Variants in SUMF1 observed in about 807,000 individuals in gnomAD.
The protein encoded by SUMF1 is formylglycine-generating enzyme.
A neutral mutation model predicts 47.6 loss-of-function variants in SUMF1; 48 were observed. The observed-to-expected ratio is 1.01, with a 90% confidence interval of 0.80 to 1.28. The LOEUF (loss-of-function observed/expected upper bound fraction) is 1.28, where lower values mean the gene tolerates loss of function less well. Among genes scored for constraint, SUMF1 ranks in the 50% most tolerant of loss-of-function variants. The pLI is 0.00. For synonymous variants in SUMF1, 230 were observed against 192.1 expected (o/e 1.20, Z -1.63); for missense variants, 571 against 485.4 (o/e 1.18, Z -1.66).
intron 8 of SUMF1, among the ~76,000 whole-genome samples, chr3:4,285,933 A>G (rs1347383874): frequency 6.6e-6 from 1 of 152,172 alleles, no homozygotes; most frequent in Non-Finnish European, 1.5e-5. Context: ...TAATAGTCGG[A>G]GCATGTTGTC....
chr3:4,240,632 A>G (rs938399664), intron 8 of SUMF1, among the ~76,000 whole-genome samples: 1 of 152,066 alleles, frequency 6.6e-6, no homozygotes, highest in Non-Finnish European at 1.5e-5. Flanking sequence ...TATGATAGTG[A>G]GATATTATAA....
intron 8 of SUMF1, among the ~76,000 whole-genome samples, chr3:4,240,875 G>A (rs576815826): frequency 5.3e-5 from 8 of 151,064 alleles, no homozygotes; most frequent in South Asian, 2.1e-4. Context: ...TTTTTCCTAC[G>A]GAACTGAAGT....
At chr3:4,153,601 C>G (rs1694388136) in intron 8 of SUMF1, among the ~76,000 whole-genome samples, 1 of 150,114 alleles carries the variant, frequency 6.7e-6, no homozygotes, top group South Asian at 2.1e-4. Flanking sequence ...AAAATATATT[C>G]AAGCCCTAAA....
At position 4,225,354 on chromosome 3, in the gene SUMF1, C is replaced by T. The variant is rs9880188; in HGVS notation, c.1014+150976G>A. On this transcript the variant is annotated intron_variant and NMD_transcript_variant, in intron 8 of 12. Transcript: ENST00000448413. ...TTTCCTGGGCTGAGATATCACCAGC[C>T]CCAGGTTGTTTTGAGCAAGCAAGTT... is the stretch of plus-strand genomic sequence containing the variant. Among the ~76,000 whole-genome samples the T allele has an allele frequency of 3.9e-4, 60 of 152,082 alleles. 1 individual carries two copies. Among genetic ancestry groups the T allele is most frequent in the African/African-American group, 1.4e-3 (60 of 41,426 alleles).
At chr3:4,221,991 T>C (rs568771920) in intron 8 of SUMF1, among the ~76,000 whole-genome samples, 1 of 152,094 alleles carries the variant, frequency 6.6e-6, no homozygotes, top group Admixed American at 6.6e-5. Flanking sequence ...AAAAAAGCAA[T>C]TTTCATTGTA....
chr3:4,065,367 C>T (rs1365974618), intron 9 of SUMF1, among the ~76,000 whole-genome samples: 1 of 152,068 alleles, frequency 6.6e-6, no homozygotes, highest in African/African-American at 2.4e-5. Context: ...AGAAGATGTA[C>T]AAAGTTTTTA....
intron 8 of SUMF1, among the ~76,000 whole-genome samples, chr3:4,246,181 T>A (rs1272828197): frequency 6.6e-6 from 1 of 152,112 alleles, no homozygotes; most frequent in Non-Finnish European, 1.5e-5. Flanking sequence ...TTCCCTTGGC[T>A]AGGAAAGGGA....
At chr3:4,344,391 C>T (rs1043619430) in intron 8 of SUMF1, among the ~76,000 whole-genome samples, 8 of 152,072 alleles carry the variant, frequency 5.3e-5, no homozygotes, top group African/African-American at 1.2e-4. Flanking sequence ...GCAAATCAGA[C>T]GAATAAGGCC....
chr3:4,240,175 T>G (rs921349488), intron 8 of SUMF1, among the ~76,000 whole-genome samples: 3 of 152,170 alleles, frequency 2.0e-5, no homozygotes, highest in African/African-American at 7.2e-5. Flanking sequence ...TTTGCCAGTA[T>G]TTTATTGAGG....
At chr3:4,101,364 G>A (rs1486371089) in intron 8 of SUMF1, among the ~76,000 whole-genome samples, 1 of 152,002 alleles carries the variant, frequency 6.6e-6, no homozygotes, top group African/African-American at 2.4e-5. Context: ...AACCTAGAGG[G>A]CCTGCATTAT....
intron 8 of SUMF1, among the ~76,000 whole-genome samples, chr3:4,231,297 A>G (rs1212795573): frequency 6.6e-6 from 1 of 152,128 alleles, no homozygotes; most frequent in Non-Finnish European, 1.5e-5. Flanking sequence ...TTTCCCTGTT[A>G]ATGAAATGAG....
At chr3:4,307,389 C>T (rs1698232852) in intron 8 of SUMF1, among the ~76,000 whole-genome samples, 2 of 152,148 alleles carry the variant, frequency 1.3e-5, no homozygotes, top group Admixed American at 6.5e-5. Flanking sequence ...CCATGCTTTT[C>T]CCTGAGACAC....
intron 8 of SUMF1, among the ~76,000 whole-genome samples, chr3:4,207,973 T>C (rs1421171984): frequency 6.6e-6 from 1 of 152,154 alleles, no homozygotes. Flanking sequence ...TTATGAGTTC[T>C]ACCTGCAGGA....
At chr3:4,047,411 C>T (rs1331729342) in intron 9 of SUMF1, among the ~76,000 whole-genome samples, 1 of 152,124 alleles carries the variant, frequency 6.6e-6, no homozygotes, top group East Asian at 1.9e-4. Context: ...AAGATGATGA[C>T]TTGGGATTCG....
intron 3 of SUMF1, among the ~76,000 whole-genome samples, chr3:4,421,796 C>A (rs1349388746): frequency 6.6e-6 from 1 of 152,112 alleles, no homozygotes; most frequent in Non-Finnish European, 1.5e-5. Context: ...GCAAATGATT[C>A]TTCTAATACA....
At chr3:4,183,615 T>C (rs145182218) in intron 8 of SUMF1, among the ~76,000 whole-genome samples, 1 of 128,266 alleles carries the variant, frequency 7.8e-6, no homozygotes, top group Non-Finnish European at 1.7e-5. Context: ...GCTCACTTCT[T>C]TGGCAGGATC....
chr3:4,316,922 G>C, intron 8 of SUMF1: 2 of 1,549,376 alleles, frequency 1.3e-6, no homozygotes, highest in Non-Finnish European at 1.7e-6. Context: ...AGCTGGCATT[G>C]GTCAACAGAA....
intron 8 of SUMF1, among the ~76,000 whole-genome samples, chr3:4,074,958 A>C (rs1692385987): frequency 6.6e-6 from 1 of 152,172 alleles, no homozygotes; most frequent in South Asian, 2.1e-4. Context: ...TATTCCAATG[A>C]ATAGAAAAAG....
intron 2 of SUMF1, among the ~76,000 whole-genome samples, chr3:4,452,205 G>C (rs1342756090): frequency 1.3e-5 from 2 of 151,154 alleles, no homozygotes; most frequent in East Asian, 3.9e-4. Context: ...AAACTGGAAA[G>C]CATATAAAAT....
Sources: allele counts gnomAD v4.1 joint callset (sites outside exome capture counted in the v4.1 genomes callset), GRCh38; gene constraint gnomAD v4.1.1; transcripts MANE v1.5; gene names NCBI Gene and HGNC (gene_info 2026-07-23, HGNC 2026-07-21).